The following BNIPL variants were observed in gnomAD, a reference collection of about 807,000 sequenced individuals.
BNIPL encodes the protein BCL2 interacting protein like, also known as bcl-2/adenovirus E1B 19 kDa-interacting protein 2-like protein.
In BNIPL, 33 loss-of-function variants were observed where a neutral mutation model predicts 47.0. That is an observed-to-expected ratio of 0.70 (90% CI 0.53 to 0.94). The LOEUF (loss-of-function observed/expected upper bound fraction) is 0.94. BNIPL is among the 40% of genes least tolerant of loss of function. The pLI is 0.00. For synonymous variants in BNIPL, 145 were observed against 162.7 expected (o/e 0.89, Z 0.83); for missense variants, 404 against 445.2 (o/e 0.91, Z 0.83).
At position 151,043,705 on chromosome 1, in the gene BNIPL, T is replaced by C; in HGVS notation, c.829T>C (p.Cys277Arg). 6.2e-7 allele frequency: 1 copy of C among 1,614,016 alleles called. No individual in the cohort carries two copies. The highest frequency in any genetic ancestry group is 8.5e-7 in the Non-Finnish European group (1 of 1,179,878). Residue 277 changes from cysteine (C) to arginine (R), a missense_variant, in exon 7 of 10, where the codon TGT (cysteine) becomes CGT (arginine). Coordinates refer to ENST00000368931, the MANE Select transcript of BNIPL (RefSeq NM_138278.4). ...TCCACCTCTAAGCTGGATACGTCAGTGTTACCGTACCCTGGATCGGCGGTG... is the reference window on the plus strand; with the variant it reads ...TCCACCTCTAAGCTGGATACGTCAGCGTTACCGTACCCTGGATCGGCGGTG... ...QVPPLSWIRQ[C>R]YRTLDRRLRK...
At chr1:151,037,342 T>C (rs1675647186) in intron 1 of BNIPL, 15 of 1,253,762 alleles carry the variant, frequency 1.2e-5, no homozygotes, top group South Asian at 1.9e-5. Flanking sequence ...GAGGTAAATA[T>C]GATTAACTTT....
At position 151,047,684 on chromosome 1, in the gene BNIPL, C is replaced by T. The variant is rs587636906; in HGVS notation, c.*997C>T. On this transcript the variant is annotated 3_prime_UTR_variant, in exon 10 of 10. Coordinates refer to ENST00000368931, the MANE Select transcript of BNIPL (RefSeq NM_138278.4). Reference sequence around the variant, plus strand: ...TTGCCGCAGAGGTTCCTTAGGAGCACCCCGCGCGGCCCGCGCGAGCGCGCC... The same window carrying T: ...TTGCCGCAGAGGTTCCTTAGGAGCATCCCGCGCGGCCCGCGCGAGCGCGCC... 6.5e-6 allele frequency: 8 copies of T among 1,227,632 alleles called. No individual in the cohort carries two copies. The Admixed American group carries it at 2.0e-4, about 30-fold the overall frequency. 76.0% of individuals were successfully genotyped at this position (1,227,632 alleles called of 1,614,324 possible). A position where few individuals can be genotyped will look rare whatever the true frequency, so the allele number is the denominator to read the frequency against.
At chr1:151,037,685 G>T (rs1273372824) in intron 2 of BNIPL, 23 bp downstream of exon 2, 1 of 1,557,974 alleles carries the variant, frequency 6.4e-7, no homozygotes, top group Non-Finnish European at 8.7e-7. Context: ...GAGGGTGGCT[G>T]GGAGAAGGGA....
At position 151,037,607 on chromosome 1, in the gene BNIPL, C is replaced by T. The variant is rs1331102764; in HGVS notation, c.82C>T (p.Leu28=). ...IAEAPELGAA[L]RHGELELKEE... Reference sequence around the variant, plus strand: ...AGAAGCACCAGAACTAGGAGCAGCCCTGAGACATGGGGAGTTGGAGCTGAA... The same window carrying T: ...AGAAGCACCAGAACTAGGAGCAGCCTTGAGACATGGGGAGTTGGAGCTGAA... The change falls in exon 2 of 10, where the codon CTG becomes TTG. Residue 28 remains leucine (L), a synonymous_variant. Transcript: ENST00000368931. 1 of 1,607,878 alleles carries T rather than the reference C, an allele frequency of 6.2e-7. No homozygotes were observed. The highest frequency in any genetic ancestry group is 2.2e-5 in the East Asian group (1 of 44,696).
At chr1:151,045,601 T>G in intron 7 of BNIPL, 196 bp from the exon 8 acceptor site, 2 of 776,730 alleles carry the variant, frequency 2.6e-6, no homozygotes, top group South Asian at 3.3e-5. Flanking sequence ...TTTTTAAAAA[T>G]GAGGATCATG....
In BNIPL at chr1:151,046,835, T is replaced by G; in HGVS notation, c.*148T>G. 1 of 599,834 alleles carries G rather than the reference T, an allele frequency of 1.7e-6. No individual in the cohort carries two copies. The highest frequency in any genetic ancestry group is 2.8e-6 in the Non-Finnish European group (1 of 352,924). The allele number at this position is 599,834 out of a possible 1,614,324, so 37.2% of individuals were successfully genotyped here. On this transcript the variant is annotated 3_prime_UTR_variant, in exon 10 of 10. Coordinates refer to ENST00000368931, the MANE Select transcript of BNIPL (RefSeq NM_138278.4). The stretch of plus-strand genomic sequence containing the variant: ...TCTCAGTGGGATTTTGTCCTTTGCA[T>G]GACCCTACTTTCAGCAGGGCTTTGA...
intron 7 of BNIPL, 152 bp from the exon 8 acceptor site, chr1:151,045,645 C>T: frequency 7.5e-7 from 1 of 1,340,330 alleles, no homozygotes; most frequent in Non-Finnish European, 9.9e-7. Flanking sequence ...GCTGAGATTA[C>T]AGCTGACGGA....
chr1:151,044,159 AT>A (rs1218123560), intron 7 of BNIPL, among the ~76,000 whole-genome samples: 1 of 151,458 alleles, frequency 6.6e-6, no homozygotes, highest in Non-Finnish European at 1.5e-5. Flanking sequence ...TAACTTTTGT[AT>A]TTTTTGTAGA....
intron 2 of BNIPL, among the ~76,000 whole-genome samples, chr1:151,038,000 C>CAA (rs58423611): frequency 1.9e-4 from 12 of 63,950 alleles, no homozygotes; most frequent in Admixed American, 8.1e-4. Flanking sequence ...AACTCTGTCT[C>CAA]AAAAAAAAAA....
Position 151,038,581 on chromosome 1 carries a change from GA to G in BNIPL, c.202+16del. 6.2e-7 allele frequency: 1 copy of G among 1,611,894 alleles called. No individual in the cohort carries two copies. Among genetic ancestry groups the G allele is most frequent in the Non-Finnish European group, 8.5e-7 (1 of 1,178,036 alleles). On this transcript the variant is annotated intron_variant, in intron 3 of 9. Coordinates refer to ENST00000368931, the MANE Select transcript of BNIPL (RefSeq NM_138278.4). ...GATTCACAGGCAGGTAGGTCAAGTA[GA>G]AACCAGGCCTCAAGTTCTTGATTCT...
chr1:151,038,580 A>G lies in BNIPL; in HGVS notation c.202+12A>G. ...AGATTCACAGGCAGGTAGGTCAAGT[A>G]GAAACCAGGCCTCAAGTTCTTGATT... On this transcript the variant is annotated intron_variant, in intron 3 of 9. Coordinates refer to ENST00000368931, the MANE Select transcript of BNIPL (RefSeq NM_138278.4). The G allele has an allele frequency of 6.2e-7, 1 of 1,611,962 alleles. No individual in the cohort carries two copies. The highest frequency in any genetic ancestry group is 1.1e-5 in the South Asian group (1 of 91,032).
At chr1:151,044,344 G>A (rs1390706149) in intron 7 of BNIPL, among the ~76,000 whole-genome samples, 1 of 152,184 alleles carries the variant, frequency 6.6e-6, no homozygotes, top group East Asian at 1.9e-4. Context: ...GGGTATTTGT[G>A]AAAATCGAGT....
Position 151,043,312 on chromosome 1 carries a change from T to G in BNIPL, c.617-20T>G. Reference sequence around the variant, plus strand: ...ATACATATTTGTTGACCAAATGAATTTTCCCCTTACACTCTCCAGGTTACC... The same window carrying G: ...ATACATATTTGTTGACCAAATGAATGTTCCCCTTACACTCTCCAGGTTACC... On this transcript the variant is annotated intron_variant, in intron 5 of 9. Transcript: ENST00000368931. 1 of 1,564,246 alleles carries G rather than the reference T, an allele frequency of 6.4e-7. No individual in the cohort carries two copies. The highest frequency in any genetic ancestry group is 8.8e-7 in the Non-Finnish European group (1 of 1,134,768).
intron 4 of BNIPL, among the ~76,000 whole-genome samples, chr1:151,040,634 A>G (rs1675783382): frequency 6.6e-6 from 1 of 151,800 alleles, no homozygotes; most frequent in Admixed American, 6.6e-5. Context: ...CATCTCTACT[A>G]AAAATACAAA....
chr1:151,038,149 TG>T (rs1431091573), intron 2 of BNIPL, among the ~76,000 whole-genome samples: 2 of 150,824 alleles, frequency 1.3e-5, no homozygotes, highest in Non-Finnish European at 2.9e-5. Flanking sequence ...CCGAGGCAGG[TG>T]GATCACTTGA....
rs1044946952 is a variant in BNIPL at position 151,036,759 on chromosome 1, G to T, written c.34G>T (p.Asp12Tyr). The T allele has an allele frequency of 8.1e-6, 13 of 1,610,794 alleles. No individual in the cohort carries two copies. In the Admixed American group the frequency reaches 1.3e-4, roughly 17 times the overall value. The change falls in exon 1 of 10, where the codon GAT becomes TAT. Residue 12 changes from aspartate (D) to tyrosine (Y), a missense_variant. By Grantham distance (160) the Asp-to-Tyr change is radical. Coordinates refer to ENST00000368931, the MANE Select transcript of BNIPL (RefSeq NM_138278.4). The stretch of plus-strand genomic sequence containing the variant: ...TATACAAGAGGCAGGAAAAAAGACA[G>T]ATGTTGGGTAAGTAAGATCTTGGCT... ...GTIQEAGKKT[D>Y]VGVREIAEAP...
Position 151,046,939 on chromosome 1 carries a change from G to A in BNIPL, c.*252G>A, listed in dbSNP as rs587708412. 90 of 398,892 alleles carry A rather than the reference G, an allele frequency of 2.3e-4. No individual in the cohort carries two copies. Among genetic ancestry groups the A allele is most frequent in the African/African-American group, 1.8e-3 (87 of 48,188 alleles). The allele number at this position is 398,892 out of a possible 1,614,324, so 24.7% of individuals were successfully genotyped here. The stretch of plus-strand genomic sequence containing the variant: ...GCTGAATGTAGGGTCATTTTGTATG[G>A]GATATGCAGAGCTCTGGGTTTTTTT... On this transcript the variant is annotated 3_prime_UTR_variant, in exon 10 of 10. Coordinates refer to ENST00000368931, the MANE Select transcript of BNIPL (RefSeq NM_138278.4).
In BNIPL at chr1:151,037,192, C is replaced by T. The variant is rs1675639308; in HGVS notation, c.42-375C>T. ...GTTTTCCCTTAGCCACTCCCCAGCTCGGTGGAGGAAAGGCAGGCCTAACTA... is the reference window on the plus strand; with the variant it reads ...GTTTTCCCTTAGCCACTCCCCAGCTTGGTGGAGGAAAGGCAGGCCTAACTA... On this transcript the variant is annotated intron_variant, in intron 1 of 9. Coordinates refer to ENST00000368931, the MANE Select transcript of BNIPL (RefSeq NM_138278.4). 2.3e-5 allele frequency: 8 copies of T among 345,702 alleles called. No individual in the cohort carries two copies. In the South Asian group the frequency reaches 3.1e-4, roughly 13 times the overall value. 21.4% of individuals were successfully genotyped at this position (345,702 alleles called of 1,614,324 possible). A position where few individuals can be genotyped will look rare whatever the true frequency, so the allele number is the denominator to read the frequency against.
In BNIPL at chr1:151,043,091, T is replaced by C; in HGVS notation, c.569T>C (p.Val190Ala). Reference sequence around the variant, plus strand: ...CGAATGGGACCACGGGAGCAGCGCGTAGACATGACTGTCATTGAGCCCTAT... The same window carrying C: ...CGAATGGGACCACGGGAGCAGCGCGCAGACATGACTGTCATTGAGCCCTAT... Reference protein sequence around the residue: ...VFRMGPREQRVDMTVIEPYKK... With the variant: ...VFRMGPREQRADMTVIEPYKK... The change falls in exon 5 of 10, where the codon GTA becomes GCA. Residue 190 changes from valine (V) to alanine (A), a missense_variant. Coordinates refer to ENST00000368931, the MANE Select transcript of BNIPL (RefSeq NM_138278.4). 1.2e-6 allele frequency: 2 copies of C among 1,612,574 alleles called. No homozygotes were observed. Among genetic ancestry groups the C allele is most frequent in the Non-Finnish European group, 1.7e-6 (2 of 1,179,606 alleles).
Sources: gnomAD v4.1 joint callset for allele counts (sites outside exome capture counted in the v4.1 genomes callset) on GRCh38, gnomAD v4.1.1 for gene constraint, MANE v1.5 for transcripts, NCBI Gene and HGNC (gene_info 2026-07-23, HGNC 2026-07-21) for gene names.